Variants in SLC4A4 observed in about 807,000 individuals in gnomAD.
SLC4A4 encodes electrogenic sodium bicarbonate cotransporter 1.
In SLC4A4, 27 loss-of-function variants were observed where a neutral mutation model predicts 111.5. The ratio of observed to expected loss-of-function variants is 0.24; its 90% CI spans 0.18 to 0.33. SLC4A4 has a LOEUF of 0.33. Ranked by LOEUF, SLC4A4 falls within the 10% of genes least tolerant of loss-of-function variation. The pLI, the probability that SLC4A4 is intolerant of heterozygous loss-of-function variation, is 1.00. For missense variants in SLC4A4, 909 were observed against 1,315.5 expected, an observed-to-expected ratio of 0.69 and a Z score of 4.78; for synonymous variants, 443 against 463.4, an observed-to-expected ratio of 0.96 and a Z score of 0.57.
At chr4:71,205,299 A>G (rs1485620484) in intron 1 of SLC4A4, among the ~76,000 whole-genome samples, 4 of 152,142 alleles carry the variant, frequency 2.6e-5, no homozygotes, top group Non-Finnish European at 5.9e-5. Context: ...CCAGATAACA[A>G]AGAGAATGCT....
chr4:71,236,517 C>G (rs1719820271), intron 1 of SLC4A4, 59 bp from the exon 2 acceptor site: 1 of 1,507,430 alleles, frequency 6.6e-7, no homozygotes, highest in Non-Finnish European at 9.2e-7. Flanking sequence ...CTGGGCTGCT[C>G]CAAGTGGCTC....
At chr4:71,366,985 C>T (rs1042182438) in intron 6 of SLC4A4, among the ~76,000 whole-genome samples, 3 of 152,158 alleles carry the variant, frequency 2.0e-5, no homozygotes, top group Non-Finnish European at 2.9e-5. Context: ...ACACAGGTGC[C>T]GAGTCTCTCT....
At chr4:71,119,590 T>G (rs953365424) in intron 2 of SLC4A4, among the ~76,000 whole-genome samples, 6 of 152,190 alleles carry the variant, frequency 3.9e-5, no homozygotes, top group Admixed American at 2.6e-4. Context: ...GATCTTGCTA[T>G]GTTATCCAGG....
At chr4:71,446,527 T>C (rs567910104) in intron 8 of SLC4A4, among the ~76,000 whole-genome samples, 66 of 152,306 alleles carry the variant, frequency 4.3e-4, no homozygotes, top group African/African-American at 1.5e-3. Context: ...AGAATGCCTA[T>C]ATATCTACTC....
chr4:71,450,019 A>G (rs1297828527), intron 9 of SLC4A4, among the ~76,000 whole-genome samples: 1 of 152,170 alleles, frequency 6.6e-6, no homozygotes, highest in Non-Finnish European at 1.5e-5. Flanking sequence ...TTATCCCAGT[A>G]GTTTTTATTT....
At chr4:71,419,937 C>G (rs1322360009) in intron 7 of SLC4A4, among the ~76,000 whole-genome samples, 1 of 152,210 alleles carries the variant, frequency 6.6e-6, no homozygotes, top group Non-Finnish European at 1.5e-5. Flanking sequence ...AGCACCTCTC[C>G]TCCTCCAAAG....
intron 2 of SLC4A4, among the ~76,000 whole-genome samples, chr4:71,120,987 G>C (rs980375332): frequency 1.3e-5 from 2 of 152,208 alleles, no homozygotes; most frequent in Admixed American, 1.3e-4. Flanking sequence ...CACGAGTTCC[G>C]GGTGGGCACG....
At chr4:71,217,697 G>A (rs1718519629) in intron 1 of SLC4A4, among the ~76,000 whole-genome samples, 1 of 152,188 alleles carries the variant, frequency 6.6e-6, no homozygotes, top group Non-Finnish European at 1.5e-5. Flanking sequence ...TTCTATGACT[G>A]TAACAGAAAT....
chr4:71,562,106 T>A (rs1737030029), intron 23 of SLC4A4, among the ~76,000 whole-genome samples: 1 of 151,766 alleles, frequency 6.6e-6, no homozygotes, highest in Non-Finnish European at 1.5e-5. Flanking sequence ...ATTTAAAGTG[T>A]TTTTTTGTAT....
At chr4:71,458,330 CTTATA>C (rs1392390844) in intron 12 of SLC4A4, among the ~76,000 whole-genome samples, 1 of 151,932 alleles carries the variant, frequency 6.6e-6, no homozygotes, top group African/African-American at 2.4e-5. Context: ...TGTGAAAAGT[CTTATA>C]TTATTTAAAA....
chr4:71,391,802 C>T (rs577686155), intron 6 of SLC4A4, among the ~76,000 whole-genome samples: 2 of 152,026 alleles, frequency 1.3e-5, no homozygotes, highest in African/African-American at 2.4e-5. Context: ...TTTTTACACC[C>T]TGGATTTTAG....
intron 20 of SLC4A4, among the ~76,000 whole-genome samples, chr4:71,553,286 T>A (rs1736194782): frequency 6.6e-6 from 1 of 151,908 alleles, no homozygotes; most frequent in Non-Finnish European, 1.5e-5. Flanking sequence ...CCTTCTGATT[T>A]TATTTTGTGG....
chr4:71,242,865 T>C (rs1449485643), intron 2 of SLC4A4, among the ~76,000 whole-genome samples: 1 of 152,188 alleles, frequency 6.6e-6, no homozygotes, highest in Non-Finnish European at 1.5e-5. Flanking sequence ...GCCTTTGCCT[T>C]CCTAACCATA....
At chr4:71,156,179 G>C (rs546241651) in intron 2 of SLC4A4, among the ~76,000 whole-genome samples, 14 of 152,316 alleles carry the variant, frequency 9.2e-5, no homozygotes, top group African/African-American at 3.4e-4. Flanking sequence ...TGCCGCCAAG[G>C]AGGCTGTTGT....
chr4:71,274,665 G>C (rs1002549422), intron 3 of SLC4A4, among the ~76,000 whole-genome samples: 3 of 152,138 alleles, frequency 2.0e-5, no homozygotes, highest in African/African-American at 7.2e-5. Context: ...TGATAGAGCA[G>C]AGAAAACACT....
chr4:71,385,189 A>ATATT (rs1718576895), intron 6 of SLC4A4, among the ~76,000 whole-genome samples: 1 of 15,000 alleles, frequency 6.7e-5, no homozygotes, highest in East Asian at 1.3e-3. Flanking sequence ...ATATATATAT[A>ATATT]TATTTTTTTT....
At chr4:71,410,015 T>C (rs1721222397) in intron 7 of SLC4A4, among the ~76,000 whole-genome samples, 1 of 152,212 alleles carries the variant, frequency 6.6e-6, no homozygotes, top group South Asian at 2.1e-4. Context: ...AAGTCAAGAA[T>C]TGAGGTTTGG....
intron 2 of SLC4A4, among the ~76,000 whole-genome samples, chr4:71,177,326 C>G (rs1745127924): frequency 6.6e-6 from 1 of 152,224 alleles, no homozygotes; most frequent in Non-Finnish European, 1.5e-5. Context: ...TCATGCATAA[C>G]AATATTAACC....
intron 16 of SLC4A4, among the ~76,000 whole-genome samples, chr4:71,531,140 T>C (rs1733878475): frequency 6.6e-6 from 1 of 152,108 alleles, no homozygotes; most frequent in Non-Finnish European, 1.5e-5. Context: ...GTATCTGTGC[T>C]CTGGTAATGC....
Sources: gnomAD v4.1 joint callset for allele counts (sites outside exome capture counted in the v4.1 genomes callset) on GRCh38, gnomAD v4.1.1 for gene constraint, MANE v1.5 for transcripts, NCBI Gene and HGNC (gene_info 2026-07-23, HGNC 2026-07-21) for gene names.